Variants in CDH18 observed in about 807,000 individuals in gnomAD.
CDH18 encodes the protein cadherin-18.
In CDH18, 31 loss-of-function variants were observed where a neutral mutation model predicts 67.9. The observed-to-expected ratio is 0.46, with a 90% CI of 0.34 to 0.62. CDH18 has a LOEUF of 0.62. Among genes scored for constraint, CDH18 ranks in the 20% least tolerant of loss-of-function variants. CDH18 has a pLI of 0.01. For synonymous variants in CDH18, 362 were observed against 347.2 expected (o/e 1.04, Z -0.48); for missense variants, 890 against 975.5 (o/e 0.91, Z 1.17).
chr5:19,917,722 T>G (rs558992892), intron 2 of CDH18, among the ~76,000 whole-genome samples: 16 of 152,272 alleles, frequency 1.1e-4, no homozygotes, highest in Admixed American at 3.3e-4. Flanking sequence ...TCTTCAAAGG[T>G]AGAGCATTGC....
chr5:19,871,051 T>C (rs1272542013), intron 2 of CDH18, among the ~76,000 whole-genome samples: 1 of 152,210 alleles, frequency 6.6e-6, no homozygotes, highest in Non-Finnish European at 1.5e-5. Flanking sequence ...AATATTTCTA[T>C]GAGATGAGTA....
At chr5:19,586,300 C>G (rs558724382) in intron 7 of CDH18, among the ~76,000 whole-genome samples, 1 of 152,082 alleles carries the variant, frequency 6.6e-6, no homozygotes, top group East Asian at 1.9e-4. Context: ...CACAGATTAA[C>G]CCATCACCTA....
At chr5:19,818,409 A>T (rs995222705) in intron 3 of CDH18, among the ~76,000 whole-genome samples, 1 of 152,202 alleles carries the variant, frequency 6.6e-6, no homozygotes, top group Non-Finnish European at 1.5e-5. Flanking sequence ...TTCATTCAGC[A>T]CTATTCAACT....
chr5:19,739,668 G>A (rs992052320), intron 4 of CDH18, among the ~76,000 whole-genome samples: 1 of 152,172 alleles, frequency 6.6e-6, no homozygotes, highest in Non-Finnish European at 1.5e-5. Context: ...GCAAAATTTT[G>A]TCTACTTTCT....
At chr5:19,814,846 T>G (rs1379103132) in intron 3 of CDH18, among the ~76,000 whole-genome samples, 2 of 72,990 alleles carry the variant, frequency 2.7e-5, no homozygotes, top group African/African-American at 8.2e-5. Context: ...AGCAAAATTG[T>G]TACACACACA....
At chr5:20,125,410 T>C (rs890056597) in intron 2 of CDH18, among the ~76,000 whole-genome samples, 2 of 152,132 alleles carry the variant, frequency 1.3e-5, no homozygotes, top group East Asian at 1.9e-4. Context: ...TTATTTGAGA[T>C]ACAAAGTGTC....
At chr5:20,356,373 A>G (rs1024069108) in intron 1 of CDH18, among the ~76,000 whole-genome samples, 40 of 152,090 alleles carry the variant, frequency 2.6e-4, no homozygotes, top group African/African-American at 9.4e-4. Flanking sequence ...AAAGAGCAAG[A>G]CTCCATCTCA....
chr5:20,552,072 A>T (rs1036744721), intron 1 of CDH18, among the ~76,000 whole-genome samples: 1 of 152,176 alleles, frequency 6.6e-6, no homozygotes, highest in Non-Finnish European at 1.5e-5. Context: ...GAAACATCAT[A>T]CAATAGCAAT....
chr5:20,353,983 G>A (rs1741409083), intron 1 of CDH18, among the ~76,000 whole-genome samples: 1 of 152,176 alleles, frequency 6.6e-6, no homozygotes, highest in Non-Finnish European at 1.5e-5. Flanking sequence ...TTTTTAAGGA[G>A]AAGCACGTTT....
rs554012695 is a variant in CDH18 at position 19,776,211 on chromosome 5, C to G, written c.229-28975G>C. Reference sequence around the variant, plus strand: ...ACACAATAAAGAAAATTAGAGTAAACTTAAACATTATGGTCATAATTGTTA... The same window carrying G: ...ACACAATAAAGAAAATTAGAGTAAAGTTAAACATTATGGTCATAATTGTTA... On this transcript the variant is annotated intron_variant, in intron 3 of 12. Coordinates refer to ENST00000382275, the MANE Select transcript of CDH18 (RefSeq NM_004934.5). Among the ~76,000 whole-genome samples, 4 of 152,192 alleles carry G rather than the reference C, an allele frequency of 2.6e-5. No homozygotes were observed. The South Asian group carries it at 8.3e-4, about 32-fold the overall frequency.
At chr5:20,401,899 G>T (rs1456006950) in intron 1 of CDH18, among the ~76,000 whole-genome samples, 1 of 152,072 alleles carries the variant, frequency 6.6e-6, no homozygotes, top group Non-Finnish European at 1.5e-5. Context: ...TCCCTTGCTT[G>T]AAATTCATTT....
intron 1 of CDH18, among the ~76,000 whole-genome samples, chr5:20,452,719 A>G (rs1750546286): frequency 6.6e-6 from 1 of 152,084 alleles, no homozygotes; most frequent in Non-Finnish European, 1.5e-5. Flanking sequence ...ACACAAGTTT[A>G]CCTATATAAC....
intron 8 of CDH18, among the ~76,000 whole-genome samples, chr5:19,562,595 C>G (rs912711883): frequency 1.3e-5 from 2 of 152,118 alleles, no homozygotes; most frequent in African/African-American, 4.8e-5. Context: ...TTAAAATTAT[C>G]CCTTATGTTG....
At chr5:19,572,008 T>G (rs1348268735) in intron 7 of CDH18, among the ~76,000 whole-genome samples, 176 bp from the exon 8 acceptor site, 2 of 152,180 alleles carry the variant, frequency 1.3e-5, no homozygotes, top group Non-Finnish European at 2.9e-5. Flanking sequence ...TAATAACATC[T>G]AAGGCATAAA....
At chr5:20,178,623 C>T (rs1475894203) in intron 2 of CDH18, among the ~76,000 whole-genome samples, 5 of 149,936 alleles carry the variant, frequency 3.3e-5, no homozygotes, top group African/African-American at 1.2e-4. Context: ...TAATAAGTGT[C>T]CTGCTTTTCT....
At chr5:19,670,823 G>C (rs559775349) in intron 5 of CDH18, among the ~76,000 whole-genome samples, 5 of 152,064 alleles carry the variant, frequency 3.3e-5, no homozygotes, top group Non-Finnish European at 7.4e-5. Context: ...AGAGTTGACA[G>C]ACTCAAAATG....
At chr5:20,141,456 T>C (rs1210224776) in intron 2 of CDH18, among the ~76,000 whole-genome samples, 2 of 152,142 alleles carry the variant, frequency 1.3e-5, no homozygotes, top group Non-Finnish European at 2.9e-5. Flanking sequence ...CGTGATGGCA[T>C]AAAAGTTATG....
chr5:20,445,607 C>T (rs575736262), intron 1 of CDH18, among the ~76,000 whole-genome samples: 2 of 152,124 alleles, frequency 1.3e-5, no homozygotes, highest in East Asian at 1.9e-4. Context: ...ATTTCTAAGA[C>T]GACTTGTTTA....
At chr5:19,574,082 C>T (rs1741899552) in intron 7 of CDH18, among the ~76,000 whole-genome samples, 1 of 152,254 alleles carries the variant, frequency 6.6e-6, no homozygotes, top group South Asian at 2.1e-4. Flanking sequence ...TTGGACTTTT[C>T]AATGAAATTT....
Sources: allele counts gnomAD v4.1 joint callset (sites outside exome capture counted in the v4.1 genomes callset), GRCh38; gene constraint gnomAD v4.1.1; transcripts MANE v1.5; gene names NCBI Gene and HGNC (gene_info 2026-07-23, HGNC 2026-07-21).